Variants in RASGRP1 observed in about 807,000 individuals in gnomAD.
The protein encoded by RASGRP1 is RAS guanyl releasing protein 1, also known as RAS guanyl-releasing protein 1.
In RASGRP1, 37 loss-of-function variants were observed where a neutral mutation model predicts 95.1. That is an observed-to-expected ratio of 0.39 (90% CI 0.30 to 0.51). The LOEUF (loss-of-function observed/expected upper bound fraction) is 0.51. Among genes scored for constraint, RASGRP1 ranks in the 20% least tolerant of loss-of-function variants. The pLI is 0.80. For synonymous variants in RASGRP1, 325 were observed against 353.4 expected (o/e 0.92, Z 0.90); for missense variants, 711 against 965.4 (o/e 0.74, Z 3.49).
At chr15:38,501,536 T>G (rs554209313) in intron 12 of RASGRP1, 13 of 620,664 alleles carry the variant, frequency 2.1e-5, no homozygotes, top group Non-Finnish European at 3.6e-5. Context: ...TTTCCCTAAC[T>G]AACTTGACCA....
At chr15:38,499,095 G>T in intron 14 of RASGRP1, 149 bp from the exon 15 acceptor site, 1 of 1,092,568 alleles carries the variant, frequency 9.2e-7, no homozygotes, top group Non-Finnish European at 1.4e-6. Context: ...AATGAAGCTA[G>T]CATTCTTCTC....
intron 1 of RASGRP1, among the ~76,000 whole-genome samples, chr15:38,564,249 CG>C (rs1893934590): frequency 6.6e-6 from 1 of 152,172 alleles, no homozygotes; most frequent in Non-Finnish European, 1.5e-5. Flanking sequence ...GGAAAGTCCG[CG>C]AGTGGGAGTC....
chr15:38,516,390 G>T lies in RASGRP1; in HGVS notation c.522-40C>A, dbSNP rs756458210. The T allele has an allele frequency of 2.2e-5, 35 of 1,573,294 alleles. No homozygotes were observed. In the East Asian group the frequency reaches 7.8e-4, roughly 35 times the overall value. ...TGTGAAAGGGAGAAGACAGGGAAAA[G>T]GAATAAATCGCTTTTTGCAAGTAAA... On this transcript the variant is annotated intron_variant, in intron 5 of 16. Coordinates refer to ENST00000310803, the MANE Select transcript of RASGRP1 (RefSeq NM_005739.4).
intron 6 of RASGRP1, among the ~76,000 whole-genome samples, chr15:38,515,910 AGTGTGT>A (rs1555401575): frequency 1.4e-5 from 2 of 143,548 alleles, no homozygotes; most frequent in South Asian, 2.2e-4. Context: ...AGAGAGAGAG[AGTGTGT>A]GTGTGTGTGT....
intron 16 of RASGRP1, among the ~76,000 whole-genome samples, chr15:38,493,424 C>G (rs1313214634): frequency 5.3e-5 from 8 of 151,892 alleles, no homozygotes; most frequent in African/African-American, 2.4e-5. Context: ...GTGATCCACC[C>G]ACCTCTGCCT....
At chr15:38,501,788 A>G (rs1891035048) in intron 12 of RASGRP1, among the ~76,000 whole-genome samples, 1 of 152,212 alleles carries the variant, frequency 6.6e-6, no homozygotes, top group African/African-American at 2.4e-5. Flanking sequence ...AAGGAAGACT[A>G]AACTTTTTCT....
chr15:38,506,527 C>T (rs1891261036), intron 9 of RASGRP1, among the ~76,000 whole-genome samples: 1 of 150,044 alleles, frequency 6.7e-6, no homozygotes, highest in African/African-American at 2.5e-5. Flanking sequence ...CCCAGCTACT[C>T]AGGAGGCTGA....
At chr15:38,540,154 C>T (rs1034698501) in intron 2 of RASGRP1, among the ~76,000 whole-genome samples, 6 of 152,054 alleles carry the variant, frequency 3.9e-5, no homozygotes, top group Admixed American at 1.3e-4. Context: ...TCTTGAACTC[C>T]TGGGCTCAAG....
chr15:38,556,477 T>C (rs1566939046), intron 2 of RASGRP1, among the ~76,000 whole-genome samples: 1 of 152,244 alleles, frequency 6.6e-6, no homozygotes, highest in Non-Finnish European at 1.5e-5. Context: ...CCACGATGCT[T>C]TAAGCAATAC....
chr15:38,528,092 C>A (rs1213226209), intron 2 of RASGRP1, among the ~76,000 whole-genome samples: 1 of 152,146 alleles, frequency 6.6e-6, no homozygotes, highest in Admixed American at 6.6e-5. Context: ...CTCCTGTTAG[C>A]ATGGAAGGCC....
intron 8 of RASGRP1, among the ~76,000 whole-genome samples, chr15:38,508,718 G>A (rs570112214): frequency 2.0e-5 from 3 of 152,320 alleles, no homozygotes; most frequent in East Asian, 1.9e-4. Context: ...AAGTGGGAAC[G>A]GCTGCTCACC....
At chr15:38,541,156 A>G (rs1425211439) in intron 2 of RASGRP1, among the ~76,000 whole-genome samples, 1 of 152,210 alleles carries the variant, frequency 6.6e-6, no homozygotes, top group Non-Finnish European at 1.5e-5. Context: ...GTACTTTCAC[A>G]TGCATTATCT....
chr15:38,499,615 A>T (rs1416171977), intron 14 of RASGRP1, among the ~76,000 whole-genome samples: 1 of 152,136 alleles, frequency 6.6e-6, no homozygotes, highest in East Asian at 1.9e-4. Flanking sequence ...TGGGGATGAG[A>T]CTCTGAACTA....
intron 13 of RASGRP1, among the ~76,000 whole-genome samples, 188 bp downstream of exon 13, chr15:38,500,955 A>T (rs1890993143): frequency 6.6e-6 from 1 of 152,196 alleles, no homozygotes; most frequent in Non-Finnish European, 1.5e-5. Context: ...TAGAAAAGAA[A>T]AAACAGGAAG....
At chr15:38,538,770 C>T (rs1892755717) in intron 2 of RASGRP1, among the ~76,000 whole-genome samples, 1 of 152,102 alleles carries the variant, frequency 6.6e-6, no homozygotes, top group African/African-American at 2.4e-5. Flanking sequence ...CCCACCCCTT[C>T]CAACAGAGAG....
At chr15:38,518,620 CCACA>C (rs1394838687) in intron 4 of RASGRP1, among the ~76,000 whole-genome samples, 197 bp from the exon 5 acceptor site, 2 of 152,242 alleles carry the variant, frequency 1.3e-5, no homozygotes, top group African/African-American at 4.8e-5. Flanking sequence ...TTCTGTCCCT[CCACA>C]CAAATGCTGT....
At chr15:38,537,453 A>T (rs1325832957) in intron 2 of RASGRP1, among the ~76,000 whole-genome samples, 1 of 152,128 alleles carries the variant, frequency 6.6e-6, no homozygotes, top group Non-Finnish European at 1.5e-5. Flanking sequence ...TAGTTATGCT[A>T]CAGTTTGATT....
At chr15:38,543,708 T>C (rs1892995567) in intron 2 of RASGRP1, among the ~76,000 whole-genome samples, 1 of 151,016 alleles carries the variant, frequency 6.6e-6, no homozygotes, top group African/African-American at 2.4e-5. Flanking sequence ...TTCTTTTTGG[T>C]ATATTTTATT....
intron 2 of RASGRP1, among the ~76,000 whole-genome samples, chr15:38,549,983 C>T (rs1455628066): frequency 6.6e-6 from 1 of 152,068 alleles, no homozygotes; most frequent in Non-Finnish European, 1.5e-5. Flanking sequence ...ATAGGCTGGG[C>T]ACAGTGGCTC....
Sources: gnomAD v4.1 joint callset for allele counts (sites outside exome capture counted in the v4.1 genomes callset) on GRCh38, gnomAD v4.1.1 for gene constraint, MANE v1.5 for transcripts, NCBI Gene and HGNC (gene_info 2026-07-23, HGNC 2026-07-21) for gene names.